The following SHANK2 variants were observed in gnomAD, a reference collection of about 807,000 sequenced individuals.
SHANK2 encodes SH3 and multiple ankyrin repeat domains protein 2.
In SHANK2, 43 loss-of-function variants were observed where a neutral mutation model predicts 133.7. The ratio of observed to expected loss-of-function variants is 0.32; its 90% CI spans 0.25 to 0.41. SHANK2 has a LOEUF of 0.41. Among genes scored for constraint, SHANK2 ranks in the 10% least tolerant of loss-of-function variants. The probability of loss-of-function intolerance (pLI) is 1.00; values close to 1 mark genes in which losing one functional copy is unlikely to be tolerated. For synonymous variants in SHANK2, 1,017 were observed against 952.8 expected (o/e 1.07, Z -1.24); for missense variants, 1,994 against 2,235.8 (o/e 0.89, Z 2.18).
chr11:71,134,439 ATT>A (rs376602865), intron 3 of SHANK2, among the ~76,000 whole-genome samples: 3,427 of 134,066 alleles, frequency 0.026, 120 homozygotes, highest in African/African-American at 0.085. Flanking sequence ...TTACATCTCA[ATT>A]TTTTTTTTTT....
intron 6 of SHANK2, among the ~76,000 whole-genome samples, chr11:71,096,515 C>T (rs138717292): frequency 6.6e-5 from 10 of 152,182 alleles, no homozygotes; most frequent in African/African-American, 2.2e-4. Context: ...CACGAGTGTC[C>T]GAGGGCATCT....
At chr11:71,172,534 G>A (rs1435875186) in intron 2 of SHANK2, among the ~76,000 whole-genome samples, 2 of 147,436 alleles carry the variant, frequency 1.4e-5, no homozygotes, top group East Asian at 4.0e-4. Flanking sequence ...GGAGGCAGAG[G>A]TTGCAGTGAG....
chr11:71,228,282 G>T (rs1472902629), intron 1 of SHANK2, among the ~76,000 whole-genome samples: 1 of 152,096 alleles, frequency 6.6e-6, no homozygotes, highest in African/African-American at 2.4e-5. Context: ...CAGTTTTTTT[G>T]AGAAAAAGAA....
intron 15 of SHANK2, among the ~76,000 whole-genome samples, chr11:70,664,229 G>A (rs950994495): frequency 7.9e-5 from 12 of 152,164 alleles, no homozygotes; most frequent in African/African-American, 2.9e-4. Flanking sequence ...TCCCTCATGG[G>A]AAATGCCTTC....
At chr11:70,536,830 C>T (rs1338235800) in intron 17 of SHANK2, among the ~76,000 whole-genome samples, 1 of 152,180 alleles carries the variant, frequency 6.6e-6, no homozygotes, top group Non-Finnish European at 1.5e-5. Context: ...AAGTAGTGTT[C>T]CACTGCATGG....
chr11:70,753,190 A>AC (rs1345133451), intron 14 of SHANK2, among the ~76,000 whole-genome samples: 1 of 151,996 alleles, frequency 6.6e-6, no homozygotes, highest in Non-Finnish European at 1.5e-5. Context: ...AAAAAAACAA[A>AC]AAACAAACAA....
chr11:71,102,774 A>AC (rs1335266139), intron 6 of SHANK2, among the ~76,000 whole-genome samples: 8 of 152,014 alleles, frequency 5.3e-5, no homozygotes, highest in Non-Finnish European at 7.4e-5. Flanking sequence ...GAGAGCAGGG[A>AC]CCCCCCAGGG....
At chr11:70,721,332 A>G (rs1946071804) in intron 14 of SHANK2, among the ~76,000 whole-genome samples, 2 of 152,224 alleles carry the variant, frequency 1.3e-5, no homozygotes, top group Admixed American at 6.5e-5. Context: ...GGCATGCCTG[A>G]AGGTCGGTTC....
At chr11:71,116,137 A>G (rs1951974356) in intron 4 of SHANK2, among the ~76,000 whole-genome samples, 2 of 152,196 alleles carry the variant, frequency 1.3e-5, no homozygotes, top group Admixed American at 6.5e-5. Context: ...AAACGTGCAG[A>G]CGCGGCATCA....
At chr11:70,644,740 T>C (rs576079010) in intron 17 of SHANK2, among the ~76,000 whole-genome samples, 1 of 152,352 alleles carries the variant, frequency 6.6e-6, no homozygotes, top group South Asian at 2.1e-4. Flanking sequence ...CCCCACAGTG[T>C]CACTGAGTCC....
chr11:70,887,430 A>C (rs1217441236), intron 11 of SHANK2, among the ~76,000 whole-genome samples: 1 of 151,700 alleles, frequency 6.6e-6, no homozygotes, highest in Non-Finnish European at 1.5e-5. Context: ...AGCAACATAC[A>C]TGCTGGCCGG....
chr11:71,121,735 T>C (rs1952087155), intron 3 of SHANK2, among the ~76,000 whole-genome samples: 1 of 152,248 alleles, frequency 6.6e-6, no homozygotes, highest in South Asian at 2.1e-4. Context: ...CGTGAATTAA[T>C]TTTTGTATAA....
rs374936057 is a variant in SHANK2, at chr11:70,863,400, G to A, written c.1174+33101C>T. On this transcript the variant is annotated intron_variant, in intron 11 of 25. Coordinates refer to ENST00000601538, the MANE Select transcript of SHANK2 (RefSeq NM_012309.5). ...CATCCAGTGCTGGCCCTGTCTGGAC[G>A]AGCCCCAAGCATCCTCTGCTCGGTG... is the stretch of plus-strand genomic sequence containing the variant. The A allele has an allele frequency of 1.1e-4, 52 of 457,868 alleles. No individual in the cohort carries two copies. In the East Asian group the frequency reaches 2.2e-3, roughly 20 times the overall value. 28.4% of individuals were successfully genotyped at this position (457,868 alleles called of 1,614,324 possible).
intron 20 of SHANK2, among the ~76,000 whole-genome samples, chr11:70,501,645 C>T (rs1280370851): frequency 6.6e-6 from 1 of 152,266 alleles, no homozygotes; most frequent in Non-Finnish European, 1.5e-5. Context: ...CGCCCTTCCC[C>T]TGCCTACAAG....
intron 17 of SHANK2, among the ~76,000 whole-genome samples, chr11:70,643,393 C>T (rs925582226): frequency 1.3e-4 from 19 of 151,990 alleles, no homozygotes; most frequent in African/African-American, 4.4e-4. Context: ...GAAAACCCGT[C>T]TCTACTAAAA....
At chr11:70,904,327 G>A (rs1950068203) in intron 10 of SHANK2, among the ~76,000 whole-genome samples, 1 of 152,114 alleles carries the variant, frequency 6.6e-6, no homozygotes, top group Non-Finnish European at 1.5e-5. Flanking sequence ...ACATGCTCAG[G>A]TCCCGCAGGT....
At chr11:71,250,783 T>C (rs1185787897) in intron 1 of SHANK2, among the ~76,000 whole-genome samples, 1 of 152,052 alleles carries the variant, frequency 6.6e-6, no homozygotes, top group Non-Finnish European at 1.5e-5. Context: ...CCAGGTCCTT[T>C]TCCAGGGGCG....
intron 11 of SHANK2, among the ~76,000 whole-genome samples, chr11:70,881,867 C>G (rs546889814): frequency 3.9e-5 from 6 of 151,970 alleles, no homozygotes; most frequent in South Asian, 2.1e-4. Flanking sequence ...GCCTCCTGCA[C>G]CCAGCAAATT....
chr11:70,902,465 G>A (rs1950036944), intron 10 of SHANK2, among the ~76,000 whole-genome samples: 1 of 152,212 alleles, frequency 6.6e-6, no homozygotes, highest in Non-Finnish European at 1.5e-5. Flanking sequence ...CTCCCTCAGA[G>A]CTGGGATTTC....
Sources: allele counts gnomAD v4.1 joint callset (sites outside exome capture counted in the v4.1 genomes callset), GRCh38; gene constraint gnomAD v4.1.1; transcripts MANE v1.5; gene names NCBI Gene and HGNC (gene_info 2026-07-23, HGNC 2026-07-21).